Variants in BCAS3 observed in about 807,000 individuals in gnomAD.
BCAS3 encodes the protein BCAS4/BCAS3 fusion.
BCAS3 carries 53 observed loss-of-function variants against 116.1 expected under a neutral mutation model. The ratio of observed to expected loss-of-function variants is 0.46; its 90% confidence interval spans 0.37 to 0.57. The LOEUF (loss-of-function observed/expected upper bound fraction) is 0.57, where lower values mean the gene tolerates loss of function less well. BCAS3 is among the 20% of genes least tolerant of loss of function. The probability of loss-of-function intolerance (pLI) is 0.00; values close to 1 mark genes in which losing one functional copy is unlikely to be tolerated. For synonymous variants in BCAS3, 391 were observed against 408.2 expected (o/e 0.96, Z 0.51); for missense variants, 917 against 1,165.4 (o/e 0.79, Z 3.10).
At chr17:60,694,602 C>T (rs564200832) in intron 4 of BCAS3, among the ~76,000 whole-genome samples, 8 of 151,270 alleles carry the variant, frequency 5.3e-5, no homozygotes, top group East Asian at 1.9e-4. Context: ...TCTCAGCCTC[C>T]GAAAGTGTTG....
At chr17:61,163,654 A>G (rs2078301270) in intron 22 of BCAS3, among the ~76,000 whole-genome samples, 1 of 152,010 alleles carries the variant, frequency 6.6e-6, no homozygotes, top group South Asian at 2.1e-4. Context: ...AGAAGTAGTA[A>G]TATTCCATCT....
chr17:60,792,300 C>T (rs990488585), intron 6 of BCAS3, among the ~76,000 whole-genome samples: 1 of 152,214 alleles, frequency 6.6e-6, no homozygotes, highest in African/African-American at 2.4e-5. Flanking sequence ...GCAGGAGCTT[C>T]GTGCATGGGC....
In BCAS3 at chr17:61,153,779, A is replaced by G. The variant is rs564964485; in HGVS notation, c.2425+69215A>G. On this transcript the variant is annotated intron_variant, in intron 22 of 23. Transcript: ENST00000407086. ...GCTGTTTACCTCATTATCAACTTTT[A>G]TATCAGAACTCAACAGCAGTCATAT... Among the ~76,000 whole-genome samples the G allele has an allele frequency of 2.0e-5, 3 of 152,202 alleles. No individual in the cohort carries two copies. In the East Asian group the frequency reaches 5.8e-4, roughly 29 times the overall value.
At chr17:61,310,569 A>T (rs1245071806) in intron 22 of BCAS3, among the ~76,000 whole-genome samples, 1 of 150,940 alleles carries the variant, frequency 6.6e-6, no homozygotes, top group Non-Finnish European at 1.5e-5. Flanking sequence ...AAAAAAAAAA[A>T]GAAAGAAAGA....
intron 7 of BCAS3, among the ~76,000 whole-genome samples, chr17:60,847,495 T>C (rs974780591): frequency 1.3e-5 from 2 of 152,222 alleles, no homozygotes; most frequent in Non-Finnish European, 2.9e-5. Context: ...CCAATACTTG[T>C]TATTTTCTGA....
At chr17:60,880,516 T>C (rs1259124969) in intron 9 of BCAS3, among the ~76,000 whole-genome samples, 1 of 152,148 alleles carries the variant, frequency 6.6e-6, no homozygotes, top group Non-Finnish European at 1.5e-5. Flanking sequence ...TCTTGATCTC[T>C]TGACCTCATG....
Position 61,077,190 on chromosome 17 carries a change from C to G in BCAS3, c.2131-1143C>G, listed in dbSNP as rs2072086006. On this transcript the variant is annotated intron_variant, in intron 20 of 23. Coordinates refer to ENST00000407086, the MANE Select transcript of BCAS3 (RefSeq NM_017679.5). The surrounding 1 kb of genome is among the most constrained non-coding windows in gnomAD (Gnocchi z 4.3). ...TATATTTTCAGGTTTTTCCAAGTGT[C>G]TTCTACCCACTTCTTTGACTTTATA... Among the ~76,000 whole-genome samples the G allele has an allele frequency of 6.6e-6, 1 of 151,406 alleles. No individual in the cohort carries two copies. Among genetic ancestry groups the G allele is most frequent in the African/African-American group, 2.4e-5 (1 of 41,190 alleles).
chr17:61,212,008 A>G (rs1167549708), intron 22 of BCAS3, among the ~76,000 whole-genome samples: 1 of 152,234 alleles, frequency 6.6e-6, no homozygotes, highest in Non-Finnish European at 1.5e-5. Flanking sequence ...AAGAGTTGCA[A>G]ATAATCTTTT....
chr17:60,731,780 A>AT (rs538038279), intron 5 of BCAS3, among the ~76,000 whole-genome samples: 4,940 of 125,924 alleles, frequency 0.039, 248 homozygotes, highest in African/African-American at 0.11. Flanking sequence ...TCACCCTCCT[A>AT]TTTTTTTTTT....
chr17:60,711,149 ATTT>A (rs200247197), intron 5 of BCAS3, among the ~76,000 whole-genome samples: 3 of 141,896 alleles, frequency 2.1e-5, no homozygotes, highest in East Asian at 2.1e-4. Context: ...AAGATGTGGG[ATTT>A]TTTTTTTTTT....
At position 61,171,770 on chromosome 17, in the gene BCAS3, G is replaced by T. The variant is rs889338354; in HGVS notation, c.2425+87206G>T. 6.6e-6 allele frequency among the ~76,000 whole-genome samples: 1 copy of T among 151,710 alleles called. No individual in the cohort carries two copies. The highest frequency in any genetic ancestry group is 2.4e-5 in the African/African-American group (1 of 41,242). The stretch of plus-strand genomic sequence containing the variant: ...TGAGTAGCTGGGATTTCAGGCATGT[G>T]CCACCATGCCCTGCTAATTAAAAAA... On this transcript the variant is annotated intron_variant, in intron 22 of 23. Coordinates refer to ENST00000407086, the MANE Select transcript of BCAS3 (RefSeq NM_017679.5). This position sits in a 1 kb window ranked among gnomAD's most constrained non-coding sequence, Gnocchi z 4.1.
intron 22 of BCAS3, among the ~76,000 whole-genome samples, chr17:61,308,749 C>G (rs1337032816): frequency 2.0e-5 from 3 of 152,210 alleles, no homozygotes; most frequent in Non-Finnish European, 4.4e-5. Flanking sequence ...ACGGATTGGT[C>G]TGTAACACCA....
At chr17:60,891,184 C>T (rs2057123116) in intron 10 of BCAS3, among the ~76,000 whole-genome samples, 1 of 152,156 alleles carries the variant, frequency 6.6e-6, no homozygotes. Flanking sequence ...TAAAGCATTT[C>T]CCTTGAGTGC....
chr17:60,923,176 T>G (rs1443974868), intron 12 of BCAS3, among the ~76,000 whole-genome samples: 1 of 152,210 alleles, frequency 6.6e-6, no homozygotes, highest in Non-Finnish European at 1.5e-5. Flanking sequence ...TCAATGTATT[T>G]GTAGCTAGAT....
intron 22 of BCAS3, among the ~76,000 whole-genome samples, chr17:61,101,250 T>C (rs537474041): frequency 1.3e-4 from 20 of 152,286 alleles, no homozygotes; most frequent in African/African-American, 4.3e-4. Context: ...CAGATACTTA[T>C]CCTTTAAGCA....
chr17:60,888,082 A>T lies in BCAS3; in HGVS notation c.662-1613A>T, dbSNP rs534135547. ...ATTAATCTTTAAAAGAGTCATGCTT[A>T]TAAGGTTGGGATGGTGCTGAGTGGC... On this transcript the variant is annotated intron_variant, in intron 9 of 23. Transcript: ENST00000407086. Among the ~76,000 whole-genome samples, 6 of 152,298 alleles carry T rather than the reference A, an allele frequency of 3.9e-5. No individual in the cohort carries two copies. The South Asian group carries it at 6.2e-4, about 16-fold the overall frequency.
chr17:61,019,220 GT>G lies in BCAS3; in HGVS notation c.1637+3321del, dbSNP rs1304120439. On this transcript the variant is annotated intron_variant, in intron 16 of 23. Transcript: ENST00000407086. The surrounding 1 kb of genome is among the most constrained non-coding windows in gnomAD (Gnocchi z 5.6). The stretch of plus-strand genomic sequence containing the variant: ...AGATCAGCATCGGCATTAGATTCTC[GT>G]TAAGAGTGCAAACCCTATTGTTGTG... Among the ~76,000 whole-genome samples, 7 of 152,142 alleles carry G rather than the reference GT, an allele frequency of 4.6e-5. No homozygotes were observed. Among genetic ancestry groups the G allele is most frequent in the Non-Finnish European group, 1.0e-4 (7 of 68,034 alleles).
At chr17:60,935,493 A>G (rs1416207958) in intron 13 of BCAS3, among the ~76,000 whole-genome samples, 6 of 152,274 alleles carry the variant, frequency 3.9e-5, no homozygotes, top group East Asian at 1.9e-4. Context: ...CTACCCAGTC[A>G]TCTTTTTTAT....
At position 61,134,178 on chromosome 17, in the gene BCAS3, G is replaced by A. The variant is rs1034949327; in HGVS notation, c.2425+49614G>A. ...ATTAAATAAAAGTCACATTCATAAT[G>A]AACACTGGAGCAATTATACATCCTA... On this transcript the variant is annotated intron_variant, in intron 22 of 23. Transcript: ENST00000407086. The surrounding 1 kb of genome is among the most constrained non-coding windows in gnomAD (Gnocchi z 4.6). Among the ~76,000 whole-genome samples the A allele has an allele frequency of 1.3e-4, 20 of 152,250 alleles. No individual in the cohort carries two copies. The highest frequency in any genetic ancestry group is 1.1e-3 in the Admixed American group (17 of 15,290).
Sources: allele counts gnomAD v4.1 joint callset (sites outside exome capture counted in the v4.1 genomes callset), GRCh38; gene constraint gnomAD v4.1.1; non-coding constraint Gnocchi (gnomAD v3.1); transcripts MANE v1.5; gene names NCBI Gene and HGNC (gene_info 2026-07-23, HGNC 2026-07-21).